TRAM2: variants seen among roughly 807,000 people sequenced by gnomAD.
TRAM2 encodes the protein translocating chain-associated membrane protein 2.
Under a neutral mutation model 51.0 loss-of-function variants are expected in TRAM2, and 12 were observed. The observed-to-expected ratio is 0.24, with a 90% CI of 0.15 to 0.38. The LOEUF (loss-of-function observed/expected upper bound fraction) is 0.38, where lower values mean the gene tolerates loss of function less well. Among genes scored for constraint, TRAM2 ranks in the 10% least tolerant of loss-of-function variants. The pLI, the probability that TRAM2 is intolerant of heterozygous loss-of-function variation, is 1.00. For synonymous variants in TRAM2, 175 were observed against 179.4 expected (o/e 0.98, Z 0.20); for missense variants, 361 against 462.0 (o/e 0.78, Z 2.00).
chr6:52,522,575 T>C (rs1766697856), intron 2 of TRAM2, among the ~76,000 whole-genome samples: 1 of 152,224 alleles, frequency 6.6e-6, no homozygotes, highest in South Asian at 2.1e-4. Context: ...ACCAATACTC[T>C]ATGAGCCTTC....
chr6:52,512,646 C>A (rs34968708), intron 4 of TRAM2, among the ~76,000 whole-genome samples: 2 of 152,290 alleles, frequency 1.3e-5, no homozygotes, highest in South Asian at 4.1e-4. Context: ...TTTGTTCTCT[C>A]GATTCTACAA....
chr6:52,563,851 A>ATT (rs11405487), intron 1 of TRAM2, among the ~76,000 whole-genome samples: 1,479 of 137,096 alleles, frequency 0.011, 34 homozygotes, highest in African/African-American at 0.032. Context: ...AAAAACACTT[A>ATT]TTTTTTTTTT....
At chr6:52,560,659 G>A (rs149000191) in intron 1 of TRAM2, among the ~76,000 whole-genome samples, 34 of 152,274 alleles carry the variant, frequency 2.2e-4, no homozygotes, top group Non-Finnish European at 4.3e-4. Flanking sequence ...TCACACTGTC[G>A]TATGAACTCT....
intron 4 of TRAM2, among the ~76,000 whole-genome samples, chr6:52,512,994 C>G (rs1032267670): frequency 2.0e-5 from 3 of 152,148 alleles, no homozygotes; most frequent in Non-Finnish European, 4.4e-5. Context: ...GGAAGTCAGA[C>G]AGGGAAGACC....
At chr6:52,514,560 T>C (rs1241582228) in intron 4 of TRAM2, among the ~76,000 whole-genome samples, 2 of 152,198 alleles carry the variant, frequency 1.3e-5, no homozygotes, top group African/African-American at 2.4e-5. Context: ...CTTGAAGAAC[T>C]GAGAGAGGCA....
At chr6:52,530,777 T>C (rs868200525) in intron 2 of TRAM2, among the ~76,000 whole-genome samples, 5 of 152,072 alleles carry the variant, frequency 3.3e-5, no homozygotes, top group Admixed American at 6.5e-5. Context: ...GCTGGGATGG[T>C]AAATTTCTAT....
intron 9 of TRAM2, among the ~76,000 whole-genome samples, 168 bp downstream of exon 9, chr6:52,505,430 GA>G (rs2114059907): frequency 6.6e-6 from 1 of 152,324 alleles, no homozygotes; most frequent in South Asian, 2.1e-4. Flanking sequence ...GGTTTGGATG[GA>G]ACCAGAGGCT....
In TRAM2 at chr6:52,499,528, T is replaced by C. The variant is rs1318409820; in HGVS notation, c.*3669A>G. ...AACCCACTTCCAATTAAAGCATCCA[T>C]GGAAGATAAGAATTTTGTTGTGGAA... On this transcript the variant is annotated 3_prime_UTR_variant, in exon 11 of 11. Coordinates refer to ENST00000182527, the MANE Select transcript of TRAM2 (RefSeq NM_012288.4). 1 of 152,056 alleles carries C rather than the reference T, an allele frequency of 6.6e-6. No individual in the cohort carries two copies. The highest frequency in any genetic ancestry group is 1.5e-5 in the Non-Finnish European group (1 of 68,004). 9.4% of individuals were successfully genotyped at this position (152,056 alleles called of 1,614,324 possible). A position where few individuals can be genotyped will look rare whatever the true frequency, so the allele number is the denominator to read the frequency against.
At chr6:52,569,388 TAAAAAA>T (rs11331630) in intron 1 of TRAM2, among the ~76,000 whole-genome samples, 1 of 136,122 alleles carries the variant, frequency 7.3e-6, no homozygotes. Context: ...AGACTCCATT[TAAAAAA>T]AAAAAAAAAA....
intron 2 of TRAM2, among the ~76,000 whole-genome samples, chr6:52,521,049 C>T (rs563625233): frequency 1.3e-5 from 2 of 152,058 alleles, no homozygotes; most frequent in South Asian, 2.1e-4. Context: ...ATTACAGGCG[C>T]GGGCCACCAG....
intron 2 of TRAM2, among the ~76,000 whole-genome samples, chr6:52,528,174 C>T (rs1015766531): frequency 2.6e-5 from 4 of 152,084 alleles, no homozygotes; most frequent in African/African-American, 9.7e-5. Context: ...TGTGAGCACC[C>T]CAGCCCCTCC....
At position 52,502,932 on chromosome 6, in the gene TRAM2, C is replaced by T. The variant is rs375107064; in HGVS notation, c.*265G>A. 3.5e-5 allele frequency: 16 copies of T among 462,986 alleles called. No individual in the cohort carries two copies. Among genetic ancestry groups the T allele is most frequent in the East Asian group, 2.8e-4 (8 of 28,574 alleles). The allele number at this position is 462,986 out of a possible 1,614,324, so 28.7% of individuals were successfully genotyped here. ...TGGGCGCCTGGCGTTCCAGAAAAGC[C>T]AGCACAGGACAGGAGTGAGGACAGG... is the stretch of plus-strand genomic sequence containing the variant. On this transcript the variant is annotated 3_prime_UTR_variant, in exon 11 of 11. Transcript: ENST00000182527.
intron 2 of TRAM2, among the ~76,000 whole-genome samples, chr6:52,533,109 G>T (rs918912670): frequency 6.6e-6 from 1 of 152,052 alleles, no homozygotes; most frequent in Non-Finnish European, 1.5e-5. Flanking sequence ...TGGGGAAAGG[G>T]GAGTTAGGGT....
chr6:52,534,558 G>A (rs963900899), intron 2 of TRAM2, among the ~76,000 whole-genome samples: 4 of 152,182 alleles, frequency 2.6e-5, no homozygotes, highest in African/African-American at 4.8e-5. Context: ...ACCTGTGCCC[G>A]AGGGCTGGAC....
At chr6:52,546,375 G>C (rs940920940) in intron 1 of TRAM2, among the ~76,000 whole-genome samples, 3 of 152,158 alleles carry the variant, frequency 2.0e-5, no homozygotes, top group African/African-American at 7.2e-5. Flanking sequence ...TCAAGCAGGG[G>C]ACAACCCAAG....
chr6:52,576,594 C>A (rs1767769856), intron 1 of TRAM2, among the ~76,000 whole-genome samples: 1 of 152,186 alleles, frequency 6.6e-6, no homozygotes, highest in Non-Finnish European at 1.5e-5. Context: ...GCATGGCTGG[C>A]ACGGCGCGGA....
chr6:52,537,885 G>A (rs921972961), intron 1 of TRAM2, among the ~76,000 whole-genome samples: 7 of 152,134 alleles, frequency 4.6e-5, no homozygotes, highest in African/African-American at 1.7e-4. Flanking sequence ...GCTGCCCCCA[G>A]TGCCATCATC....
chr6:52,523,160 T>C (rs1047989707), intron 2 of TRAM2: 15 of 410,460 alleles, frequency 3.7e-5, no homozygotes, highest in Non-Finnish European at 6.0e-5. Context: ...CTTCTATTGG[T>C]TGCTGTGCCA....
At chr6:52,541,489 C>T (rs965527904) in intron 1 of TRAM2, among the ~76,000 whole-genome samples, 2 of 152,214 alleles carry the variant, frequency 1.3e-5, no homozygotes, top group African/African-American at 4.8e-5. Flanking sequence ...ATGCCCAAAA[C>T]GCAACCTTAC....
Sources: gnomAD v4.1 joint callset for allele counts (sites outside exome capture counted in the v4.1 genomes callset) on GRCh38, gnomAD v4.1.1 for gene constraint, MANE v1.5 for transcripts, NCBI Gene and HGNC (gene_info 2026-07-23, HGNC 2026-07-21) for gene names.